Variants in TMEM132D observed in about 807,000 individuals in gnomAD.
TMEM132D encodes transmembrane protein 132D, also known as mature OL transmembrane protein.
TMEM132D carries 21 observed loss-of-function variants against 62.3 expected under a neutral mutation model. The observed-to-expected ratio is 0.34, with a 90% CI of 0.24 to 0.49. TMEM132D has a LOEUF of 0.49. Among genes scored for constraint, TMEM132D ranks in the 20% least tolerant of loss-of-function variants. The pLI, the probability that TMEM132D is intolerant of heterozygous loss-of-function variation, is 0.99. For missense variants in TMEM132D, 1,346 were observed against 1,402.8 expected (o/e 0.96, Z 0.65); for synonymous variants, 621 against 575.6 (o/e 1.08, Z -1.13).
chr12:129,150,371 G>C (rs926041821), intron 5 of TMEM132D, among the ~76,000 whole-genome samples: 20 of 152,198 alleles, frequency 1.3e-4, no homozygotes, highest in African/African-American at 4.6e-4. Flanking sequence ...TGTTATGCCA[G>C]TCATTTTGCA....
At chr12:129,717,271 C>G (rs1868621344) in intron 1 of TMEM132D, among the ~76,000 whole-genome samples, 1 of 152,184 alleles carries the variant, frequency 6.6e-6, no homozygotes, top group Non-Finnish European at 1.5e-5. Context: ...TGTTCTGCTT[C>G]TTAAGTGATG....
At chr12:129,626,208 T>A (rs979151863) in intron 2 of TMEM132D, among the ~76,000 whole-genome samples, 1 of 152,146 alleles carries the variant, frequency 6.6e-6, no homozygotes, top group African/African-American at 2.4e-5. Context: ...TTTGGGAATC[T>A]CCAGGAGGAA....
intron 1 of TMEM132D, among the ~76,000 whole-genome samples, chr12:129,753,677 A>G (rs914876247): frequency 2.0e-5 from 3 of 152,234 alleles, no homozygotes; most frequent in African/African-American, 7.2e-5. Context: ...TGAAACACTT[A>G]AAATCCGTCA....
At chr12:129,147,522 T>G (rs1272631244) in intron 5 of TMEM132D, among the ~76,000 whole-genome samples, 1 of 152,162 alleles carries the variant, frequency 6.6e-6, no homozygotes, top group African/African-American at 2.4e-5. Flanking sequence ...ATGTATCCAT[T>G]CCTCCATCCA....
At chr12:129,156,452 C>T (rs1473476743) in intron 5 of TMEM132D, among the ~76,000 whole-genome samples, 1 of 152,144 alleles carries the variant, frequency 6.6e-6, no homozygotes, top group Non-Finnish European at 1.5e-5. Context: ...CTAACCCATT[C>T]CCATGATAAC....
At chr12:129,211,264 C>T (rs1342500631) in intron 4 of TMEM132D, among the ~76,000 whole-genome samples, 1 of 152,190 alleles carries the variant, frequency 6.6e-6, no homozygotes, top group Admixed American at 6.5e-5. Flanking sequence ...ATGAACGTAT[C>T]TGTCTTTTCC....
chr12:129,081,581 A>T (rs1874447208), intron 7 of TMEM132D, among the ~76,000 whole-genome samples, 178 bp downstream of exon 7: 1 of 152,118 alleles, frequency 6.6e-6, no homozygotes, highest in African/African-American at 2.4e-5. Context: ...TATAAGCGTG[A>T]ACCACCACAC....
At chr12:129,675,718 A>G (rs1001506072) in intron 2 of TMEM132D, among the ~76,000 whole-genome samples, 2 of 152,002 alleles carry the variant, frequency 1.3e-5, no homozygotes, top group African/African-American at 2.4e-5. Flanking sequence ...CAAGGGGGAG[A>G]AAGTAGTGGG....
At chr12:129,230,401 C>T (rs941417058) in intron 4 of TMEM132D, among the ~76,000 whole-genome samples, 5 of 152,228 alleles carry the variant, frequency 3.3e-5, no homozygotes, top group African/African-American at 7.2e-5. Flanking sequence ...TCCTCCAACC[C>T]CACTGATGAC....
chr12:129,221,161 C>A lies in TMEM132D; in HGVS notation c.1300-11498G>T, dbSNP rs577260379. The stretch of plus-strand genomic sequence containing the variant: ...TTACTTGTGGGTTGAAGCAATACAG[C>A]TTTCATGTTCAATTGCCTATTCTTT... On this transcript the variant is annotated intron_variant, in intron 4 of 8. Coordinates refer to ENST00000422113, the MANE Select transcript of TMEM132D (RefSeq NM_133448.3). 2.0e-5 allele frequency among the ~76,000 whole-genome samples: 3 copies of A among 152,298 alleles called. No individual in the cohort carries two copies. The East Asian group carries it at 5.8e-4, about 29-fold the overall frequency.
chr12:129,543,223 G>GTGGA (rs1304477312), intron 2 of TMEM132D, among the ~76,000 whole-genome samples: 5 of 117,194 alleles, frequency 4.3e-5, no homozygotes, highest in Admixed American at 1.8e-4. Context: ...GGGTGGGTGG[G>GTGGA]TGGATGGATG....
rs1871569074 is a variant in TMEM132D, at chr12:129,796,596, G to A, written c.80-95898C>T. On this transcript the variant is annotated intron_variant, in intron 1 of 8. Transcript: ENST00000422113. Reference sequence around the variant, plus strand: ...CCTTTGCAGGGACATGGATGAAGTTGGAAACCATCATTCTCAGCAAACTAA... The same window carrying A: ...CCTTTGCAGGGACATGGATGAAGTTAGAAACCATCATTCTCAGCAAACTAA... 3.9e-5 allele frequency among the ~76,000 whole-genome samples: 6 copies of A among 152,052 alleles called. No homozygotes were observed. The South Asian group carries it at 1.2e-3, about 32-fold the overall frequency.
At chr12:129,115,202 C>A (rs1370616101) in intron 5 of TMEM132D, among the ~76,000 whole-genome samples, 5 of 152,210 alleles carry the variant, frequency 3.3e-5, no homozygotes, top group African/African-American at 1.2e-4. Context: ...TAAAAACACA[C>A]CAATTGTTTT....
At chr12:129,588,399 C>T (rs1359108475) in intron 2 of TMEM132D, among the ~76,000 whole-genome samples, 2 of 152,070 alleles carry the variant, frequency 1.3e-5, no homozygotes, top group African/African-American at 4.8e-5. Context: ...AATACATATT[C>T]ACAATTGTAA....
chr12:129,298,863 G>C (rs1430110038), intron 4 of TMEM132D, among the ~76,000 whole-genome samples: 1 of 151,896 alleles, frequency 6.6e-6, no homozygotes, highest in Non-Finnish European at 1.5e-5. Context: ...CCCGTCAAAG[G>C]CTCTTCTTTA....
intron 1 of TMEM132D, among the ~76,000 whole-genome samples, chr12:129,791,790 T>C (rs1325563300): frequency 4.6e-5 from 7 of 152,156 alleles, no homozygotes; most frequent in Non-Finnish European, 8.8e-5. Context: ...ATTCTTTGAA[T>C]GTTGGCTGCA....
intron 3 of TMEM132D, among the ~76,000 whole-genome samples, chr12:129,474,934 A>T (rs937861320): frequency 2.0e-5 from 3 of 152,226 alleles, no homozygotes; most frequent in Non-Finnish European, 4.4e-5. Flanking sequence ...GCCAGGCTGC[A>T]TGCCATAATC....
At chr12:129,291,683 G>T (rs1413879333) in intron 4 of TMEM132D, among the ~76,000 whole-genome samples, 1 of 152,140 alleles carries the variant, frequency 6.6e-6, no homozygotes, top group African/African-American at 2.4e-5. Flanking sequence ...TGGTCAACAG[G>T]TTTCTCCTCA....
chr12:129,286,289 G>A (rs1881295261), intron 4 of TMEM132D, among the ~76,000 whole-genome samples: 1 of 152,184 alleles, frequency 6.6e-6, no homozygotes, highest in Admixed American at 6.5e-5. Flanking sequence ...TTCATGTATG[G>A]TGTTTAATAA....
Sources: gnomAD v4.1 joint callset for allele counts (sites outside exome capture counted in the v4.1 genomes callset) on GRCh38, gnomAD v4.1.1 for gene constraint, MANE v1.5 for transcripts, NCBI Gene and HGNC (gene_info 2026-07-23, HGNC 2026-07-21) for gene names.